The following DMD variants were observed in gnomAD, a reference collection of about 807,000 sequenced individuals.
DMD encodes dystrophin.
Under a neutral mutation model 330.1 loss-of-function variants are expected in DMD, and 63 were observed. The observed-to-expected ratio is 0.19, with a 90% confidence interval of 0.16 to 0.24. DMD has a LOEUF of 0.24. DMD is among the 10% of genes least tolerant of loss of function. The pLI is 1.00. For synonymous variants in DMD, 1,223 were observed against 959.8 expected, an observed-to-expected ratio of 1.27 and a Z score of -5.07; for missense variants, 3,344 against 2,684.1, an observed-to-expected ratio of 1.25 and a Z score of -5.43.
At chrX:32,494,473 C>T (rs1197012657) in intron 19 of DMD, among the ~76,000 whole-genome samples, 1 of 110,874 alleles carries the variant, frequency 9.0e-6, no homozygotes, top group Non-Finnish European at 1.9e-5. Context: ...AAATTTGATG[C>T]CCCTTACTAG....
intron 2 of DMD, among the ~76,000 whole-genome samples, chrX:32,910,864 C>T (rs773982166): frequency 8.9e-6 from 1 of 112,181 alleles, no homozygotes; most frequent in Admixed American, 9.5e-5. Context: ...ATCTTTCTTT[C>T]TCCACAAAGC....
At chrX:31,973,167 G>T (rs767525035) in intron 44 of DMD, among the ~76,000 whole-genome samples, 21 of 110,589 alleles carry the variant, frequency 1.9e-4, no homozygotes, top group African/African-American at 6.6e-4. Context: ...TAGACTGAGG[G>T]ATTCCGTCTT....
rs748637034 is a variant in DMD, at chrX:32,515,962, A to AT, written c.2292+2045dup. On this transcript the variant is annotated intron_variant, in intron 18 of 78. Transcript: ENST00000357033. ...AATTATGCTTAGGTTTAAAAGTTGC[A>AT]TTTTTTAAAATATGTGAAATTGAAC... is the stretch of plus-strand genomic sequence containing the variant. Among the ~76,000 whole-genome samples, 9 of 111,661 alleles carry AT rather than the reference A, an allele frequency of 8.1e-5. No homozygotes were observed. The South Asian group carries it at 3.4e-3, about 42-fold the overall frequency.
chrX:33,139,681 G>C (rs774864489), intron 1 of DMD, among the ~76,000 whole-genome samples: 1 of 109,208 alleles, frequency 9.2e-6, no homozygotes, highest in African/African-American at 3.4e-5. Flanking sequence ...TGACATGCTT[G>C]CTCCCCCTTC....
intron 7 of DMD, among the ~76,000 whole-genome samples, chrX:32,779,408 T>A (rs1050544869): frequency 9.0e-6 from 1 of 110,843 alleles, no homozygotes; most frequent in Non-Finnish European, 1.9e-5. Context: ...CATTCCCTTT[T>A]TCATGAGGTT....
chrX:32,314,921 C>G (rs1329326152), intron 41 of DMD, among the ~76,000 whole-genome samples: 3 of 111,602 alleles, frequency 2.7e-5, no homozygotes, highest in Non-Finnish European at 3.8e-5. Context: ...GAAATAGGAA[C>G]TCTTTTACAC....
chrX:32,335,386 T>C (rs2097700574), intron 41 of DMD, among the ~76,000 whole-genome samples: 1 of 104,998 alleles, frequency 9.5e-6, no homozygotes, highest in Admixed American at 1.1e-4. Context: ...ATAAAACATA[T>C]ATAATACATA....
At chrX:31,925,477 G>C (rs1282699609) in intron 47 of DMD, among the ~76,000 whole-genome samples, 4 of 111,842 alleles carry the variant, frequency 3.6e-5, no homozygotes, top group Non-Finnish European at 7.5e-5. Flanking sequence ...AGACATGAAA[G>C]AGATGAAACT....
At chrX:32,863,370 AG>A (rs1199415858) in intron 2 of DMD, among the ~76,000 whole-genome samples, 2 of 108,920 alleles carry the variant, frequency 1.8e-5, no homozygotes, top group Non-Finnish European at 3.8e-5. Flanking sequence ...TACAAAAGTT[AG>A]CTGGGCATGG....
intron 68 of DMD, among the ~76,000 whole-genome samples, chrX:31,181,091 T>C (rs1241938752): frequency 8.9e-6 from 1 of 111,983 alleles, no homozygotes; most frequent in African/African-American, 3.2e-5. Flanking sequence ...AAATGATAAC[T>C]GAAGCCCCAA....
chrX:32,912,963 C>T (rs188096583), intron 2 of DMD, among the ~76,000 whole-genome samples: 2 of 112,123 alleles, frequency 1.8e-5, no homozygotes, highest in Admixed American at 9.5e-5. Flanking sequence ...AACTGATTGG[C>T]AAGTTAGTAT....
chrX:32,308,423 G>T (rs1225515610), intron 42 of DMD, among the ~76,000 whole-genome samples: 1 of 110,481 alleles, frequency 9.1e-6, no homozygotes, highest in Admixed American at 9.7e-5. Context: ...TGACAATGAT[G>T]AATGCCTTTA....
At chrX:31,677,697 TA>T (rs1338593432) in intron 53 of DMD, among the ~76,000 whole-genome samples, 1 of 112,283 alleles carries the variant, frequency 8.9e-6, no homozygotes, top group African/African-American at 3.2e-5. Flanking sequence ...TTTATTCACC[TA>T]GATTTTGACT....
chrX:33,008,793 C>CGTATATATGTATATATGT (rs2147514942), intron 2 of DMD, among the ~76,000 whole-genome samples: 2 of 58,145 alleles, frequency 3.4e-5, no homozygotes, highest in East Asian at 1.3e-3. Flanking sequence ...ACTATATATA[C>CGTATATATGTATATATGT]GTATATATAC....
At chrX:32,651,742 C>T (rs1372655357) in intron 9 of DMD, among the ~76,000 whole-genome samples, 1 of 111,763 alleles carries the variant, frequency 8.9e-6, no homozygotes, top group African/African-American at 3.3e-5. Flanking sequence ...CAAAACATCT[C>T]ATGTACCCCA....
Position 32,185,959 on chromosome X carries a change from A to T in DMD, c.6438+30957T>A, listed in dbSNP as rs774026541. 2.7e-5 allele frequency among the ~76,000 whole-genome samples: 3 copies of T among 110,826 alleles called. No individual in the cohort carries two copies. In the East Asian group the frequency reaches 8.5e-4, roughly 32 times the overall value. On this transcript the variant is annotated intron_variant, in intron 44 of 78. Coordinates refer to ENST00000357033, the MANE Select transcript of DMD (RefSeq NM_004006.3). ...CTTTTTCTGCCTCTCGGAGATCTTAAAAATGAATGATAAACAATTAATTCT... is the reference window on the plus strand; with the variant it reads ...CTTTTTCTGCCTCTCGGAGATCTTATAAATGAATGATAAACAATTAATTCT...
intron 5 of DMD, among the ~76,000 whole-genome samples, chrX:32,821,852 G>A (rs1342585222): frequency 9.1e-6 from 1 of 110,359 alleles, no homozygotes; most frequent in African/African-American, 3.3e-5. Context: ...TTAAGGTGGT[G>A]GAAAAGTGCC....
intron 55 of DMD, among the ~76,000 whole-genome samples, chrX:31,602,595 G>A (rs1030728657): frequency 9.0e-6 from 1 of 111,085 alleles, no homozygotes; most frequent in African/African-American, 3.3e-5. Flanking sequence ...ACTCTTAATT[G>A]AAAATTAACA....
In DMD at chrX:31,121,024, T is replaced by TAGAC. The variant is rs929419650; in HGVS notation, c.*891_*894dup. ...TTAAAATGAGAAACATCTGGAGCTG[T>TAGAC]AGACAATGTTTTAGTGTGGTGTAGT... On this transcript the variant is annotated 3_prime_UTR_variant, in exon 79 of 79. Coordinates refer to ENST00000357033, the MANE Select transcript of DMD (RefSeq NM_004006.3). 2.7e-5 allele frequency: 3 copies of TAGAC among 111,780 alleles called. No homozygotes were observed. Among genetic ancestry groups the TAGAC allele is most frequent in the Non-Finnish European group, 5.7e-5 (3 of 53,082 alleles). The allele number at this position is 111,780 out of a possible 1,213,427, so 9.2% of individuals were successfully genotyped here. A position where few individuals can be genotyped will look rare whatever the true frequency, so the allele number is the denominator to read the frequency against.
Sources: gnomAD v4.1 joint callset for allele counts (sites outside exome capture counted in the v4.1 genomes callset) on GRCh38, gnomAD v4.1.1 for gene constraint, MANE v1.5 for transcripts, NCBI Gene and HGNC (gene_info 2026-07-23, HGNC 2026-07-21) for gene names.